SGCZ: variants seen among roughly 807,000 people sequenced by gnomAD.
The protein encoded by SGCZ is zeta-sarcoglycan.
In SGCZ, 40 loss-of-function variants were observed where a neutral mutation model predicts 41.3. The observed-to-expected ratio is 0.97, with a 90% CI of 0.75 to 1.26. SGCZ has a LOEUF of 1.26. Among genes scored for constraint, SGCZ ranks in the 50% most tolerant of loss-of-function variants. The pLI is 0.00. For missense variants in SGCZ, 552 were observed against 369.8 expected, an observed-to-expected ratio of 1.49 and a Z score of -4.04; for synonymous variants, 206 against 137.5, an observed-to-expected ratio of 1.50 and a Z score of -3.49.
At chr8:14,679,046 C>G (rs1314789627) in intron 1 of SGCZ, among the ~76,000 whole-genome samples, 2 of 152,080 alleles carry the variant, frequency 1.3e-5, no homozygotes, top group African/African-American at 2.4e-5. Context: ...CTCAAAAATT[C>G]CTATCGTCTA....
intron 1 of SGCZ, among the ~76,000 whole-genome samples, chr8:14,969,995 C>T (rs909367718): frequency 1.3e-5 from 2 of 152,052 alleles, no homozygotes; most frequent in South Asian, 2.1e-4. Flanking sequence ...GTTCCTTTTC[C>T]TCCACATACC....
chr8:14,252,641 A>G (rs976980322), intron 3 of SGCZ, among the ~76,000 whole-genome samples: 3 of 152,168 alleles, frequency 2.0e-5, no homozygotes, highest in African/African-American at 7.2e-5. Context: ...GCTAAGTCCT[A>G]GAGATGAGTA....
Position 14,086,857 on chromosome 8 carries a change from A to C in SGCZ, c.*3586T>G, listed in dbSNP as rs1206058229. On this transcript the variant is annotated 3_prime_UTR_variant, in exon 8 of 8. Transcript: ENST00000382080. Reference sequence around the variant, plus strand: ...ATGCTAGTTCAGATATGGCTACTTAACCTAAGATTTATGAGTGCTTCCTTA... The same window carrying C: ...ATGCTAGTTCAGATATGGCTACTTACCCTAAGATTTATGAGTGCTTCCTTA... 6.6e-6 allele frequency among the ~76,000 whole-genome samples: 1 copy of C among 151,716 alleles called. No homozygotes were observed. Among genetic ancestry groups the C allele is most frequent in the African/African-American group, 2.4e-5 (1 of 41,390 alleles).
In SGCZ at chr8:15,237,678, T is replaced by C. The variant is rs1163202441; in HGVS notation, c.-55A>G. ...CCGGGCGAGTGGCACCCAAAAACAATCTAGTCTTTTAGTTTCCAGCTTAAA... is the reference window on the plus strand; with the variant it reads ...CCGGGCGAGTGGCACCCAAAAACAACCTAGTCTTTTAGTTTCCAGCTTAAA... On this transcript the variant is annotated 5_prime_UTR_variant, in exon 1 of 8. Coordinates refer to ENST00000382080, the MANE Select transcript of SGCZ (RefSeq NM_139167.4). 1.2e-5 allele frequency: 19 copies of C among 1,547,250 alleles called. No homozygotes were observed. The highest frequency in any genetic ancestry group is 8.8e-6 in the Non-Finnish European group (10 of 1,141,738).
chr8:14,427,030 AAATG>A (rs3068589), intron 2 of SGCZ, among the ~76,000 whole-genome samples: 17,422 of 145,290 alleles, frequency 0.12, 1,365 homozygotes, highest in East Asian at 0.34. Context: ...CAGTAACATT[AAATG>A]AATGAATGAA....
intron 1 of SGCZ, among the ~76,000 whole-genome samples, chr8:15,023,021 T>C (rs1036921107): frequency 8.5e-5 from 13 of 152,176 alleles, no homozygotes; most frequent in African/African-American, 2.9e-4. Flanking sequence ...GGCATTTTCT[T>C]CATCCTTTTG....
chr8:14,647,594 A>T (rs557748666), intron 1 of SGCZ, among the ~76,000 whole-genome samples: 1 of 152,210 alleles, frequency 6.6e-6, no homozygotes, highest in African/African-American at 2.4e-5. Flanking sequence ...TGGCATAAAG[A>T]TTTTTAAGAC....
intron 1 of SGCZ, among the ~76,000 whole-genome samples, chr8:14,978,357 G>A (rs774729252): frequency 6.3e-5 from 8 of 127,644 alleles, no homozygotes; most frequent in Admixed American, 1.5e-4. Flanking sequence ...TGTATTCCCA[G>A]CTACTTGGGA....
At chr8:14,621,834 C>T (rs201743056) in intron 1 of SGCZ, among the ~76,000 whole-genome samples, 14 of 152,132 alleles carry the variant, frequency 9.2e-5, no homozygotes, top group Admixed American at 2.0e-4. Context: ...TGGTTGGGGA[C>T]GCAGAGCCAA....
At chr8:15,062,701 G>A (rs1294190158) in intron 1 of SGCZ, among the ~76,000 whole-genome samples, 1 of 152,092 alleles carries the variant, frequency 6.6e-6, no homozygotes, top group Non-Finnish European at 1.5e-5. Flanking sequence ...CAGTTATTTT[G>A]AGAATAAATT....
At chr8:14,606,504 G>T (rs1391356038) in intron 1 of SGCZ, among the ~76,000 whole-genome samples, 2 of 152,038 alleles carry the variant, frequency 1.3e-5, no homozygotes, top group Non-Finnish European at 2.9e-5. Context: ...ATTACTCTCC[G>T]TCTTCTGGTA....
intron 1 of SGCZ, among the ~76,000 whole-genome samples, chr8:14,687,577 C>A (rs1490580612): frequency 1.3e-5 from 2 of 151,830 alleles, no homozygotes; most frequent in African/African-American, 4.8e-5. Context: ...GCCACATTTT[C>A]TTAATCCAGT....
intron 1 of SGCZ, among the ~76,000 whole-genome samples, chr8:14,861,754 G>A (rs1017840577): frequency 2.0e-5 from 3 of 151,906 alleles, no homozygotes; most frequent in Non-Finnish European, 4.4e-5. Flanking sequence ...CTTTAGACTT[G>A]CACGTGGTGT....
At chr8:15,079,526 G>T (rs1393479433) in intron 1 of SGCZ, among the ~76,000 whole-genome samples, 3 of 152,146 alleles carry the variant, frequency 2.0e-5, no homozygotes, top group Non-Finnish European at 4.4e-5. Flanking sequence ...TTTGCCTTGA[G>T]AATTTAGTAA....
chr8:14,427,937 G>C (rs182111913), intron 2 of SGCZ, among the ~76,000 whole-genome samples: 1 of 151,914 alleles, frequency 6.6e-6, no homozygotes, highest in Non-Finnish European at 1.5e-5. Context: ...ATTCTATTAG[G>C]TATTATAAGT....
intron 1 of SGCZ, among the ~76,000 whole-genome samples, chr8:15,207,156 C>T (rs747700224): frequency 6.6e-6 from 1 of 152,030 alleles, no homozygotes; most frequent in African/African-American, 2.4e-5. Context: ...ACAGAGTAAG[C>T]GAGATTTAAG....
chr8:14,343,087 T>C lies in SGCZ; in HGVS notation c.235-18883A>G, dbSNP rs140437299. Reference sequence around the variant, plus strand: ...AGCAACTTCCACATGGTGTTGAGCCTACAGGTGCACAGAAGTCAAGAAATG... The same window carrying C: ...AGCAACTTCCACATGGTGTTGAGCCCACAGGTGCACAGAAGTCAAGAAATG... On this transcript the variant is annotated intron_variant, in intron 2 of 7. Coordinates refer to ENST00000382080, the MANE Select transcript of SGCZ (RefSeq NM_139167.4). 1.2e-3 allele frequency among the ~76,000 whole-genome samples: 183 copies of C among 152,314 alleles called. 1 individual carries two copies. Among genetic ancestry groups the C allele is most frequent in the African/African-American group, 4.2e-3 (175 of 41,568 alleles).
At chr8:15,041,899 G>T (rs1804111787) in intron 1 of SGCZ, among the ~76,000 whole-genome samples, 1 of 152,012 alleles carries the variant, frequency 6.6e-6, no homozygotes, top group African/African-American at 2.4e-5. Context: ...TTTTAGGTCT[G>T]GTCCTGAGTC....
intron 1 of SGCZ, among the ~76,000 whole-genome samples, chr8:15,072,701 C>G (rs1238553259): frequency 2.6e-5 from 4 of 152,012 alleles, no homozygotes; most frequent in Admixed American, 2.0e-4. Context: ...AATAGAAAAC[C>G]TAGGCCTCCA....
Sources: allele counts gnomAD v4.1 joint callset (sites outside exome capture counted in the v4.1 genomes callset), GRCh38; gene constraint gnomAD v4.1.1; transcripts MANE v1.5; gene names NCBI Gene and HGNC (gene_info 2026-07-23, HGNC 2026-07-21).